The following CDS2 variants were observed in gnomAD, a reference collection of about 807,000 sequenced individuals.
CDS2 encodes CDP-diacylglycerol synthase 2.
In CDS2, 47 loss-of-function variants were observed where a neutral mutation model predicts 59.0. The observed-to-expected ratio is 0.80, with a 90% CI of 0.63 to 1.02. CDS2 has a LOEUF of 1.02. CDS2 is among the 50% of genes least tolerant of loss of function. The pLI is 0.00. For synonymous variants in CDS2, 207 were observed against 206.4 expected (o/e 1.00, Z -0.02); for missense variants, 356 against 558.9 (o/e 0.64, Z 3.66).
intron 10 of CDS2, chr20:5,187,686 GC>G (rs1406263956): frequency 6.6e-6 from 1 of 152,030 alleles, no homozygotes; most frequent in East Asian, 1.9e-4. Context: ...TTCCAGACCA[GC>G]CTGGGTAACA....
intron 1 of CDS2, among the ~76,000 whole-genome samples, chr20:5,161,152 A>G (rs1568535806): frequency 6.6e-6 from 1 of 152,150 alleles, no homozygotes; most frequent in Non-Finnish European, 1.5e-5. Context: ...CAGCTGCATT[A>G]TTTTACATTC....
Position 5,127,134 on chromosome 20 carries a change from G to A in CDS2, c.42G>A (p.Ala14=), listed in dbSNP as rs1393365777. The change falls in exon 1 of 13, where the codon GCG becomes GCA. Residue 14 remains alanine (A), a synonymous_variant. Transcript: ENST00000460006. ...LRQRVAHEPV[A]PPEDKESESE... Reference sequence around the variant, plus strand: ...AGAGGGTGGCCCATGAGCCGGTTGCGCCACCCGAGGACAAGGTAGCGGCAG... The same window carrying A: ...AGAGGGTGGCCCATGAGCCGGTTGCACCACCCGAGGACAAGGTAGCGGCAG... The A allele has an allele frequency of 1.3e-6, 2 of 1,495,180 alleles. No homozygotes were observed. The highest frequency in any genetic ancestry group is 3.0e-5 in the East Asian group (1 of 33,678). The allele number at this position is 1,495,180 out of a possible 1,614,324, so 92.6% of individuals were successfully genotyped here.
intron 5 of CDS2, among the ~76,000 whole-genome samples, chr20:5,181,528 C>T (rs2091033596): frequency 6.6e-6 from 1 of 152,218 alleles, no homozygotes; most frequent in African/African-American, 2.4e-5. Flanking sequence ...TCTGTAGGCA[C>T]AACAGGCAGC....
Position 5,194,912 on chromosome 20 carries a change from C to T in CDS2, c.*4678C>T, listed in dbSNP as rs1402754029. 2.0e-5 allele frequency: 3 copies of T among 152,114 alleles called. No homozygotes were observed. Among genetic ancestry groups the T allele is most frequent in the East Asian group, 1.9e-4 (1 of 5,196 alleles). 9.4% of individuals were successfully genotyped at this position (152,114 alleles called of 1,614,324 possible). A position where few individuals can be genotyped will look rare whatever the true frequency, so the allele number is the denominator to read the frequency against. Reference sequence around the variant, plus strand: ...AGGCATAGTGCTAAGGGTTTACATACGTTATCCCTTTTAATCCAGAAAACA... The same window carrying T: ...AGGCATAGTGCTAAGGGTTTACATATGTTATCCCTTTTAATCCAGAAAACA... On this transcript the variant is annotated 3_prime_UTR_variant, in exon 13 of 13. Coordinates refer to ENST00000460006, the MANE Select transcript of CDS2 (RefSeq NM_003818.4).
intron 1 of CDS2, among the ~76,000 whole-genome samples, chr20:5,168,836 C>T (rs982073489): frequency 2.0e-5 from 3 of 152,234 alleles, no homozygotes; most frequent in African/African-American, 7.2e-5. Flanking sequence ...ACTGCTCCCT[C>T]TGGCCCTCCC....
At chr20:5,138,284 T>A (rs972809921) in intron 1 of CDS2, among the ~76,000 whole-genome samples, 3 of 151,910 alleles carry the variant, frequency 2.0e-5, no homozygotes, top group Non-Finnish European at 2.9e-5. Context: ...AGAGATAGGA[T>A]AGGGTTCTAG....
rs148918269 is a variant in CDS2 at position 5,185,763 on chromosome 20, C to G, written c.765C>G (p.Ser255=). 6.2e-7 allele frequency: 1 copy of G among 1,614,012 alleles called. No homozygotes were observed. Among genetic ancestry groups the G allele is most frequent in the Non-Finnish European group, 8.5e-7 (1 of 1,179,990 alleles). The part of the protein sequence containing the change: ...FFGRTPLIKL[S]PKKTWEGFIG... ...AACTTGCTCTCTGTCCACAGCTGTC[C>G]CCGAAGAAGACCTGGGAAGGCTTCA... The change falls in exon 9 of 13, where the codon TCC becomes TCG. Residue 255 remains serine (S), a synonymous_variant. Coordinates refer to ENST00000460006, the MANE Select transcript of CDS2 (RefSeq NM_003818.4).
At chr20:5,187,116 T>C in intron 10 of CDS2, 1 of 358,792 alleles carries the variant, frequency 2.8e-6, no homozygotes. Context: ...TGGGGGGGTC[T>C]GTGAGGTCAC....
At chr20:5,132,714 A>G (rs2090617437) in intron 1 of CDS2, among the ~76,000 whole-genome samples, 2 of 152,304 alleles carry the variant, frequency 1.3e-5, no homozygotes, top group South Asian at 2.1e-4. Flanking sequence ...ATTTTCTCAT[A>G]TAACCAATTA....
At chr20:5,141,920 C>A (rs115353830) in intron 1 of CDS2, among the ~76,000 whole-genome samples, 1,867 of 152,064 alleles carry the variant, frequency 0.012, 48 homozygotes, top group African/African-American at 0.041. Flanking sequence ...GGAAAAAAAA[C>A]GAGTTTGAGT....
chr20:5,166,220 T>A (rs1600496661), intron 1 of CDS2, among the ~76,000 whole-genome samples: 1 of 152,184 alleles, frequency 6.6e-6, no homozygotes, highest in African/African-American at 2.4e-5. Flanking sequence ...TGGATGCAAC[T>A]GAAAGCTGTT....
At chr20:5,170,994 A>G (rs956642580) in intron 1 of CDS2, among the ~76,000 whole-genome samples, 1 of 152,240 alleles carries the variant, frequency 6.6e-6, no homozygotes, top group South Asian at 2.1e-4. Flanking sequence ...CACATACTTC[A>G]TTTCTTAGTT....
At chr20:5,151,921 T>G (rs942346885) in intron 1 of CDS2, among the ~76,000 whole-genome samples, 1 of 151,444 alleles carries the variant, frequency 6.6e-6, no homozygotes, top group African/African-American at 2.4e-5. Context: ...TGTGCCACCA[T>G]GCCCCGCTAA....
At chr20:5,142,734 A>G (rs748755323) in intron 1 of CDS2, among the ~76,000 whole-genome samples, 8 of 152,240 alleles carry the variant, frequency 5.3e-5, no homozygotes, top group Non-Finnish European at 8.8e-5. Context: ...GGAAGGCCAC[A>G]GGCAATGAGA....
chr20:5,180,205 G>A (rs1460732630), intron 5 of CDS2, among the ~76,000 whole-genome samples: 2 of 152,090 alleles, frequency 1.3e-5, no homozygotes, highest in Non-Finnish European at 2.9e-5. Context: ...CTACCATCTA[G>A]GTCACTGTGA....
intron 1 of CDS2, among the ~76,000 whole-genome samples, chr20:5,149,135 T>G (rs1475347680): frequency 6.6e-6 from 1 of 152,172 alleles, no homozygotes; most frequent in Non-Finnish European, 1.5e-5. Context: ...ATGGTGCCAA[T>G]TTCCATTTCC....
Position 5,192,554 on chromosome 20 carries a change from G to T in CDS2, c.*2320G>T, listed in dbSNP as rs968217945. On this transcript the variant is annotated 3_prime_UTR_variant, in exon 13 of 13. Coordinates refer to ENST00000460006, the MANE Select transcript of CDS2 (RefSeq NM_003818.4). The stretch of plus-strand genomic sequence containing the variant: ...GTTTCTCTTTCCTATTCACAGACAA[G>T]ATTCAAGAAACCATTTTTACGTGTG... The T allele has an allele frequency of 6.6e-6, 1 of 152,194 alleles. No individual in the cohort carries two copies. Among genetic ancestry groups the T allele is most frequent in the Admixed American group, 6.5e-5 (1 of 15,292 alleles). 9.4% of individuals were successfully genotyped at this position (152,194 alleles called of 1,614,324 possible). A position where few individuals can be genotyped will look rare whatever the true frequency, so the allele number is the denominator to read the frequency against.
At chr20:5,173,434 C>G in intron 1 of CDS2, 89 bp from the exon 2 acceptor site, 1 of 1,468,206 alleles carries the variant, frequency 6.8e-7, no homozygotes. Context: ...TGGAGTCTTT[C>G]CCCACAGATC....
At chr20:5,140,890 T>A (rs6053149) in intron 1 of CDS2, among the ~76,000 whole-genome samples, 73,603 of 152,022 alleles carry the variant, frequency 0.48, 18,138 homozygotes, top group South Asian at 0.64. Context: ...AGACTGAAGA[T>A]CACATGGACC....
Sources: allele counts gnomAD v4.1 joint callset (sites outside exome capture counted in the v4.1 genomes callset), GRCh38; gene constraint gnomAD v4.1.1; transcripts MANE v1.5; gene names NCBI Gene and HGNC (gene_info 2026-07-23, HGNC 2026-07-21).